The following NSMCE2 variants were observed in gnomAD, a reference collection of about 807,000 sequenced individuals.
NSMCE2 encodes the protein NSE2 SUMO ligase component of SMC5/6 complex.
NSMCE2 carries 24 observed loss-of-function variants against 23.8 expected under a neutral mutation model. That is an observed-to-expected ratio of 1.01 (90% CI 0.73 to 1.42). The LOEUF is 1.42. Ranked by LOEUF, NSMCE2 falls within the 40% of genes most tolerant of loss-of-function variation. The pLI, the probability that NSMCE2 is intolerant of heterozygous loss-of-function variation, is 0.00. For synonymous variants in NSMCE2, 92 were observed against 94.1 expected (o/e 0.98, Z 0.13); for missense variants, 284 against 296.5 (o/e 0.96, Z 0.31).
chr8:125,214,418 A>G (rs1379781550), intron 5 of NSMCE2, among the ~76,000 whole-genome samples: 4 of 152,190 alleles, frequency 2.6e-5, no homozygotes, highest in Non-Finnish European at 4.4e-5. Flanking sequence ...ATGAGATCAG[A>G]ATTGGCAGGC....
chr8:125,326,291 C>A (rs953233919), intron 5 of NSMCE2, among the ~76,000 whole-genome samples: 5 of 151,964 alleles, frequency 3.3e-5, no homozygotes, highest in Non-Finnish European at 7.4e-5. Flanking sequence ...AAATAAAAAT[C>A]AAGTCATCCT....
intron 5 of NSMCE2, among the ~76,000 whole-genome samples, chr8:125,336,748 G>C (rs1830074261): frequency 1.3e-5 from 2 of 152,208 alleles, no homozygotes; most frequent in African/African-American, 4.8e-5. Flanking sequence ...GTTCCTTTTT[G>C]AACAAATTCT....
At chr8:125,213,771 C>T (rs1000335397) in intron 5 of NSMCE2, among the ~76,000 whole-genome samples, 9 of 149,906 alleles carry the variant, frequency 6.0e-5, no homozygotes, top group South Asian at 4.2e-4. Flanking sequence ...ACCTGGAGGT[C>T]GCCAGGCTAC....
Position 125,151,732 on chromosome 8 carries a change from C to T in NSMCE2, c.264+455C>T, listed in dbSNP as rs73348178. On this transcript the variant is annotated intron_variant, in intron 4 of 7. Coordinates refer to ENST00000287437, the MANE Select transcript of NSMCE2 (RefSeq NM_173685.4). Reference sequence around the variant, plus strand: ...AAGCAAGTTTAAAAATAAAGAAGATCGGTATTTTGGTTTTTCCAGAAGCCA... The same window carrying T: ...AAGCAAGTTTAAAAATAAAGAAGATTGGTATTTTGGTTTTTCCAGAAGCCA... Among the ~76,000 whole-genome samples, 186 of 152,256 alleles carry T rather than the reference C, an allele frequency of 1.2e-3. 2 individuals carry two copies. The highest frequency in any genetic ancestry group is 4.1e-3 in the African/African-American group (172 of 41,558).
At position 125,165,774 on chromosome 8, in the gene NSMCE2, T is replaced by G. The variant is rs148063308; in HGVS notation, c.264+14497T>G. Reference sequence around the variant, plus strand: ...TACAGCAGTTTTTTGATTAGACTTGTGATGGATAGAATTCATTTTCACTTA... The same window carrying G: ...TACAGCAGTTTTTTGATTAGACTTGGGATGGATAGAATTCATTTTCACTTA... On this transcript the variant is annotated intron_variant, in intron 4 of 7. Coordinates refer to ENST00000287437, the MANE Select transcript of NSMCE2 (RefSeq NM_173685.4). Among the ~76,000 whole-genome samples, 307 of 152,318 alleles carry G rather than the reference T, an allele frequency of 2.0e-3. 2 individuals carry two copies. Among genetic ancestry groups the G allele is most frequent in the Non-Finnish European group, 2.3e-3 (158 of 68,032 alleles).
chr8:125,323,545 T>C (rs576679525), intron 5 of NSMCE2, among the ~76,000 whole-genome samples: 4 of 152,288 alleles, frequency 2.6e-5, no homozygotes, highest in South Asian at 2.1e-4. Flanking sequence ...AGTTCCATGG[T>C]TTTCCACAAA....
At chr8:125,144,058 A>T (rs150258277) in intron 3 of NSMCE2, among the ~76,000 whole-genome samples, 12 of 152,258 alleles carry the variant, frequency 7.9e-5, no homozygotes, top group Non-Finnish European at 1.8e-4. Context: ...AGGGGGGGAA[A>T]GTCCTTATTT....
chr8:125,361,621 A>G (rs1813556923), intron 7 of NSMCE2, among the ~76,000 whole-genome samples: 2 of 152,210 alleles, frequency 1.3e-5, no homozygotes, highest in Admixed American at 1.3e-4. Flanking sequence ...AATGGTAGGG[A>G]ATTCCATTCT....
intron 5 of NSMCE2, among the ~76,000 whole-genome samples, chr8:125,280,588 A>G (rs1363662783): frequency 1.3e-5 from 2 of 152,228 alleles, no homozygotes; most frequent in South Asian, 2.1e-4. Flanking sequence ...TTTTGAAACC[A>G]TCTGTTCAGA....
chr8:125,192,153 G>A (rs1823377253), intron 5 of NSMCE2, among the ~76,000 whole-genome samples: 1 of 152,098 alleles, frequency 6.6e-6, no homozygotes, highest in South Asian at 2.1e-4. Context: ...AGATTAGGAA[G>A]ACCAAGTCTT....
intron 3 of NSMCE2, among the ~76,000 whole-genome samples, chr8:125,118,218 C>T (rs529659111): frequency 1.3e-5 from 2 of 152,048 alleles, no homozygotes; most frequent in South Asian, 4.1e-4. Context: ...TGGTGGCACA[C>T]GCCTCTAGTC....
At chr8:125,170,421 AGAGTCTCGCTCT>A (rs1822137550) in intron 4 of NSMCE2, among the ~76,000 whole-genome samples, 1 of 86,448 alleles carries the variant, frequency 1.2e-5, no homozygotes, top group African/African-American at 4.6e-5. Context: ...TTTTTAAGAC[AGAGTCTCGCTCT>A]CTTGGCCTCT....
chr8:125,329,811 A>G (rs905563137), intron 5 of NSMCE2, among the ~76,000 whole-genome samples: 1 of 152,180 alleles, frequency 6.6e-6, no homozygotes, highest in African/African-American at 2.4e-5. Context: ...TTGTTGTGAG[A>G]CACATTGTGA....
At chr8:125,109,173 T>C (rs1257234997) in intron 3 of NSMCE2, among the ~76,000 whole-genome samples, 1 of 152,222 alleles carries the variant, frequency 6.6e-6, no homozygotes, top group East Asian at 1.9e-4. Context: ...AATAGATGAT[T>C]GCTTGGGTTC....
At chr8:125,173,004 A>G (rs1012634404) in intron 4 of NSMCE2, among the ~76,000 whole-genome samples, 3 of 152,096 alleles carry the variant, frequency 2.0e-5, no homozygotes, top group Non-Finnish European at 2.9e-5. Flanking sequence ...ATTATCTTTC[A>G]CCGCTAGATG....
At position 125,093,510 on chromosome 8, in the gene NSMCE2, G is replaced by A. The variant is rs370387773; in HGVS notation, c.-111+1552G>A. Among the ~76,000 whole-genome samples, 141 of 152,104 alleles carry A rather than the reference G, an allele frequency of 9.3e-4. 3 individuals carry two copies. The South Asian group carries it at 0.012, about 13-fold the overall frequency. ...TTGAGACCAGCCTGGTCAACATAGCGAAACCCTCTCTCTACTAAAAATACA... is the reference window on the plus strand; with the variant it reads ...TTGAGACCAGCCTGGTCAACATAGCAAAACCCTCTCTCTACTAAAAATACA... On this transcript the variant is annotated intron_variant, in intron 1 of 7. Transcript: ENST00000287437.
At chr8:125,176,295 T>A (rs1822488912) in intron 4 of NSMCE2, among the ~76,000 whole-genome samples, 2 of 152,210 alleles carry the variant, frequency 1.3e-5, no homozygotes, top group Admixed American at 6.5e-5. Flanking sequence ...ACTTTTCACT[T>A]CTTATTTAGT....
intron 3 of NSMCE2, among the ~76,000 whole-genome samples, chr8:125,120,734 G>T (rs991247309): frequency 6.6e-6 from 1 of 152,202 alleles, no homozygotes; most frequent in Non-Finnish European, 1.5e-5. Flanking sequence ...CTCTGTGGGT[G>T]GGAGTTATGA....
chr8:125,276,880 C>T (rs1056320414), intron 5 of NSMCE2, among the ~76,000 whole-genome samples: 2 of 152,160 alleles, frequency 1.3e-5, no homozygotes, highest in African/African-American at 4.8e-5. Flanking sequence ...TTATTATTCC[C>T]CCACCTTGAC....
Sources: allele counts gnomAD v4.1 joint callset (sites outside exome capture counted in the v4.1 genomes callset), GRCh38; gene constraint gnomAD v4.1.1; transcripts MANE v1.5; gene names NCBI Gene and HGNC (gene_info 2026-07-23, HGNC 2026-07-21).